Variants in FAM135A observed in about 807,000 individuals in gnomAD.
FAM135A encodes family with sequence similarity 135 member A.
Under a neutral mutation model 146.8 loss-of-function variants are expected in FAM135A, and 79 were observed. The ratio of observed to expected loss-of-function variants is 0.54; its 90% CI spans 0.45 to 0.65. FAM135A has a LOEUF of 0.65. Among genes scored for constraint, FAM135A ranks in the 30% least tolerant of loss-of-function variants. The pLI is 0.00. For missense variants in FAM135A, 1,623 were observed against 1,758.2 expected (o/e 0.92, Z 1.38); for synonymous variants, 562 against 603.6 (o/e 0.93, Z 1.01).
At chr6:70,413,954 G>C (rs2127647383) in intron 1 of FAM135A, 2 of 985,572 alleles carry the variant, frequency 2.0e-6, no homozygotes, top group Non-Finnish European at 2.4e-6. Flanking sequence ...GGTGCCCGCG[G>C]CCGCCCCTGC....
chr6:70,514,243 TC>T (rs1405929810), intron 12 of FAM135A, among the ~76,000 whole-genome samples: 2 of 152,146 alleles, frequency 1.3e-5, no homozygotes, highest in Non-Finnish European at 2.9e-5. Flanking sequence ...ATTCATTAAC[TC>T]TTTTCTGTAG....
At position 70,415,343 on chromosome 6, in the gene FAM135A, A is replaced by T. The variant is rs1243903507; in HGVS notation, c.-167A>T. 1 of 152,226 alleles carries T rather than the reference A, an allele frequency of 6.6e-6. No individual in the cohort carries two copies. Among genetic ancestry groups the T allele is most frequent in the Non-Finnish European group, 1.5e-5 (1 of 68,030 alleles). The allele number at this position is 152,226 out of a possible 1,614,324, so 9.4% of individuals were successfully genotyped here. A position where few individuals can be genotyped will look rare whatever the true frequency, so the allele number is the denominator to read the frequency against. On this transcript the variant is annotated 5_prime_UTR_variant, in exon 2 of 22. Coordinates refer to ENST00000418814, the MANE Select transcript of FAM135A (RefSeq NM_001162529.3). ...TGGTTCTGGAATCTCAAAGCAGTCC[A>T]CAAACAAATTCTTCCTTATGTTGTC...
chr6:70,537,096 C>T (rs1796930711), intron 19 of FAM135A, among the ~76,000 whole-genome samples: 2 of 151,992 alleles, frequency 1.3e-5, no homozygotes, highest in Admixed American at 1.3e-4. Flanking sequence ...CCACCATACC[C>T]AGCTAATTTT....
At position 70,545,380 on chromosome 6, in the gene FAM135A, A is replaced by G. The variant is rs184756516; in HGVS notation, c.4228+6979A>G. ...GTAATCCCAGCACTTTGAGAGGCCA[A>G]GGTGAGTGGATCACCTGAGGTCAGG... is the stretch of plus-strand genomic sequence containing the variant. On this transcript the variant is annotated intron_variant, in intron 20 of 21. Transcript: ENST00000418814. Among the ~76,000 whole-genome samples the G allele has an allele frequency of 4.2e-3, 645 of 152,268 alleles. 2 individuals are homozygous for G. The highest frequency in any genetic ancestry group is 6.5e-3 in the Non-Finnish European group (445 of 68,020).
In FAM135A at chr6:70,538,370, A is replaced by G. The variant is rs767971421; in HGVS notation, c.4197A>G (p.Gln1399=). ...LTCRDHSDPR[Q]TFLYKLSNKA... ...GTCGAGATCACTCAGACCCTCGCCA[A>G]ACTTTTTTATATAAGCTTAGTAACA... The change falls in exon 20 of 22, where the codon CAA becomes CAG. Residue 1399 remains glutamine, a synonymous_variant. Transcript: ENST00000418814. 81 of 1,510,032 alleles carry G rather than the reference A, an allele frequency of 5.4e-5. No individual in the cohort carries two copies. Among genetic ancestry groups the G allele is most frequent in the Non-Finnish European group, 6.6e-5 (74 of 1,122,376 alleles). The allele number at this position is 1,510,032 out of a possible 1,614,324, so 93.5% of individuals were successfully genotyped here. A position where few individuals can be genotyped will look rare whatever the true frequency, so the allele number is the denominator to read the frequency against.
chr6:70,553,947 A>G (rs925025333), intron 20 of FAM135A, among the ~76,000 whole-genome samples: 1 of 152,148 alleles, frequency 6.6e-6, no homozygotes, highest in African/African-American at 2.4e-5. Flanking sequence ...TTCTCATTGG[A>G]CTAGAATAAT....
At chr6:70,492,915 G>A (rs1786347731) in intron 11 of FAM135A, among the ~76,000 whole-genome samples, 1 of 151,264 alleles carries the variant, frequency 6.6e-6, no homozygotes, top group African/African-American at 2.4e-5. Flanking sequence ...TTTAACATTA[G>A]TGCATTGATG....
At position 70,525,642 on chromosome 6, in the gene FAM135A, A is replaced by C. The variant is rs1418846630; in HGVS notation, c.2558A>C (p.Glu853Ala). Residue 853 changes from glutamate to alanine, a missense_variant, in exon 15 of 22, where the codon GAA becomes GCA. Physicochemically the swap from Glu to Ala is moderately radical, Grantham distance 107 (BLOSUM62 -1). Coordinates refer to ENST00000418814, the MANE Select transcript of FAM135A (RefSeq NM_001162529.3). ...LPSDDELSPDENSKKSVVPEC... is the reference protein window; with the variant it reads ...LPSDDELSPDANSKKSVVPEC... The stretch of plus-strand genomic sequence containing the variant: ...TCCGATGATGAACTGTCACCTGATG[A>C]AAATTCTAAGAAATCTGTTGTACCT... The C allele has an allele frequency of 3.1e-6, 5 of 1,612,836 alleles. No individual in the cohort carries two copies. In the East Asian group the frequency reaches 6.7e-5, roughly 22 times the overall value.
intron 4 of FAM135A, among the ~76,000 whole-genome samples, chr6:70,436,422 G>A (rs998930158): frequency 2.0e-5 from 3 of 152,138 alleles, no homozygotes; most frequent in African/African-American, 7.2e-5. Flanking sequence ...GTTTACGTCA[G>A]CTATCGGAAT....
intron 20 of FAM135A, among the ~76,000 whole-genome samples, chr6:70,553,292 C>A (rs144400575): frequency 6.6e-6 from 1 of 152,280 alleles, no homozygotes; most frequent in East Asian, 1.9e-4. Flanking sequence ...TGTTTACATT[C>A]ATTAACAATA....
intron 12 of FAM135A, among the ~76,000 whole-genome samples, chr6:70,521,446 G>C (rs1793560039): frequency 6.6e-6 from 1 of 152,156 alleles, no homozygotes; most frequent in African/African-American, 2.4e-5. Flanking sequence ...TGAAAGTAAA[G>C]ACACAGAATG....
Position 70,530,020 on chromosome 6 carries a change from C to T in FAM135A, c.3775+1568C>T, listed in dbSNP as rs544686384. ...CGGAGCTTGCGGTGAGCTGAGATCG[C>T]GCCACTGCACTTCAGCCTGGGCTAC... On this transcript the variant is annotated intron_variant, in intron 16 of 21. Transcript: ENST00000418814. 7.9e-5 allele frequency among the ~76,000 whole-genome samples: 12 copies of T among 151,960 alleles called. No homozygotes were observed. In the South Asian group the frequency reaches 8.3e-4, roughly 11 times the overall value.
intron 4 of FAM135A, among the ~76,000 whole-genome samples, chr6:70,439,266 C>T (rs1486355278): frequency 2.0e-5 from 3 of 152,166 alleles, no homozygotes; most frequent in African/African-American, 7.2e-5. Context: ...TCTGAGGTTT[C>T]GGTCTTCCAC....
At chr6:70,439,867 T>A (rs532557423) in intron 4 of FAM135A, among the ~76,000 whole-genome samples, 16 of 152,326 alleles carry the variant, frequency 1.1e-4, no homozygotes, top group African/African-American at 3.4e-4. Context: ...ATCAAAGTTT[T>A]TTCTTCCTAT....
intron 11 of FAM135A, among the ~76,000 whole-genome samples, chr6:70,499,520 A>G (rs984946204): frequency 3.9e-5 from 6 of 152,222 alleles, no homozygotes; most frequent in African/African-American, 1.4e-4. Context: ...TGATCTTGTC[A>G]TCATGATACT....
intron 9 of FAM135A, 122 bp downstream of exon 9, chr6:70,481,149 A>T: frequency 2.3e-6 from 2 of 870,168 alleles, no homozygotes; most frequent in Non-Finnish European, 1.6e-6. Flanking sequence ...TATAGATCTA[A>T]TTAAATATGA....
At chr6:70,482,455 T>C (rs1783911030) in intron 10 of FAM135A, among the ~76,000 whole-genome samples, 1 of 152,172 alleles carries the variant, frequency 6.6e-6, no homozygotes, top group Admixed American at 6.6e-5. Flanking sequence ...AAAGCAAATG[T>C]AATTATCTGC....
chr6:70,535,560 T>G (rs1796630182), intron 18 of FAM135A, among the ~76,000 whole-genome samples: 2 of 152,164 alleles, frequency 1.3e-5, no homozygotes, highest in South Asian at 4.1e-4. Flanking sequence ...GAGAATCTAG[T>G]GCCTGAGTTG....
chr6:70,478,280 A>G (rs953357996), intron 8 of FAM135A, among the ~76,000 whole-genome samples: 4 of 152,180 alleles, frequency 2.6e-5, no homozygotes, highest in Non-Finnish European at 5.9e-5. Flanking sequence ...GTAAAAATAC[A>G]ATGCAAGGTC....
Sources: allele counts gnomAD v4.1 joint callset (sites outside exome capture counted in the v4.1 genomes callset), GRCh38; gene constraint gnomAD v4.1.1; transcripts MANE v1.5; gene names NCBI Gene and HGNC (gene_info 2026-07-23, HGNC 2026-07-21).